Variants in RAB11FIP4 observed in about 807,000 individuals in gnomAD.
RAB11FIP4 encodes the protein RAB11 family interacting protein 4.
A neutral mutation model predicts 74.3 loss-of-function variants in RAB11FIP4; 23 were observed. That is an observed-to-expected ratio of 0.31 (90% confidence interval 0.22 to 0.44). RAB11FIP4 has a LOEUF of 0.44. Among genes scored for constraint, RAB11FIP4 ranks in the 20% least tolerant of loss-of-function variants. The pLI is 1.00. For missense variants in RAB11FIP4, 630 were observed against 863.9 expected (o/e 0.73, Z 3.39); for synonymous variants, 360 against 359.9 (o/e 1.00, Z 0.00).
intron 1 of RAB11FIP4, among the ~76,000 whole-genome samples, chr17:31,397,750 G>A (rs1414056721): frequency 6.6e-6 from 1 of 152,198 alleles, no homozygotes; most frequent in East Asian, 1.9e-4. Flanking sequence ...GCATTGAGGC[G>A]GGAGGACGAG....
chr17:31,437,407 T>G (rs562635191), intron 3 of RAB11FIP4, among the ~76,000 whole-genome samples: 3 of 151,802 alleles, frequency 2.0e-5, no homozygotes, highest in Admixed American at 1.3e-4. Context: ...CAGGTCCGAA[T>G]TTCTCAGGCC....
intron 3 of RAB11FIP4, among the ~76,000 whole-genome samples, chr17:31,488,910 G>A (rs777907626): frequency 6.6e-6 from 1 of 152,242 alleles, no homozygotes; most frequent in African/African-American, 2.4e-5. Flanking sequence ...TGGCGGCGCA[G>A]TCTCTGGAGA....
chr17:31,523,252 T>G (rs1597981412), intron 7 of RAB11FIP4: 1 of 521,312 alleles, frequency 1.9e-6, no homozygotes, highest in Non-Finnish European at 3.5e-6. Context: ...GTGAAGAGGG[T>G]TCTGAGGCCG....
At chr17:31,445,564 ATATATATATATATATTTTTT>A (rs2071450254) in intron 3 of RAB11FIP4, among the ~76,000 whole-genome samples, 163 of 13,116 alleles carry the variant, frequency 0.012, 6 homozygotes, top group African/African-American at 0.03. Context: ...ATATATATAT[ATATATATATATATATTTTTT>A]TTTTTTTTTT....
chr17:31,448,426 C>T (rs2071491812), intron 3 of RAB11FIP4: 1 of 63,980 alleles, frequency 1.6e-5, no homozygotes, highest in South Asian at 6.1e-4. Context: ...GAGACCGGGT[C>T]TAGCTATGTT....
rs2071611420 is a variant in RAB11FIP4 at position 31,459,256 on chromosome 17, A to G, written c.336+25134A>G. Among the ~76,000 whole-genome samples, 3 of 152,216 alleles carry G rather than the reference A, an allele frequency of 2.0e-5. No homozygotes were observed. The South Asian group carries it at 6.2e-4, about 32-fold the overall frequency. On this transcript the variant is annotated intron_variant, in intron 3 of 14. Transcript: ENST00000621161. The stretch of plus-strand genomic sequence containing the variant: ...CTCTCAGCTGTTCAGGGATCCTGGG[A>G]GTAGACTCCTTCCTCTGAGATGGAT...
Position 31,434,042 on chromosome 17 carries a change from G to A in RAB11FIP4, c.256G>A (p.Glu86Lys). The change falls in exon 3 of 15, where the codon GAG becomes AAG. Residue 86 changes from glutamate to lysine, a missense_variant. Physicochemically the swap from Glu to Lys is moderately conservative, Grantham distance 56 (BLOSUM62 1). Transcript: ENST00000621161. ...RGVFAMKGCE[E>K]LLKDVLSVES... ...TCTGCCTGTCTGCGCAGGGTGCGAG[G>A]AGCTGCTGAAGGATGTGCTGTCGGT... 6.3e-7 allele frequency: 1 copy of A among 1,583,618 alleles called. No homozygotes were observed. The highest frequency in any genetic ancestry group is 1.1e-5 in the South Asian group (1 of 87,148).
At chr17:31,446,675 C>G (rs987545495) in intron 3 of RAB11FIP4, among the ~76,000 whole-genome samples, 1 of 151,982 alleles carries the variant, frequency 6.6e-6, no homozygotes, top group African/African-American at 2.4e-5. Context: ...GGGGGATTAT[C>G]TGAGATAATG....
chr17:31,405,216 C>A (rs572987588), intron 1 of RAB11FIP4, among the ~76,000 whole-genome samples: 6 of 152,182 alleles, frequency 3.9e-5, no homozygotes, highest in African/African-American at 9.6e-5. Flanking sequence ...GGCTCCCAGG[C>A]GGTCTGGAGG....
chr17:31,496,865 T>A (rs1463304449), intron 3 of RAB11FIP4, among the ~76,000 whole-genome samples: 3 of 152,244 alleles, frequency 2.0e-5, no homozygotes, highest in Non-Finnish European at 1.5e-5. Context: ...GGATGTCGCA[T>A]CGCTGAGAGC....
Position 31,524,769 on chromosome 17 carries a change from A to G in RAB11FIP4, c.1134-321A>G, listed in dbSNP as rs907771651. 3.0e-5 allele frequency: 12 copies of G among 399,752 alleles called. No homozygotes were observed. The Admixed American group carries it at 3.3e-4, about 11-fold the overall frequency. 24.8% of individuals were successfully genotyped at this position (399,752 alleles called of 1,614,324 possible). A position where few individuals can be genotyped will look rare whatever the true frequency, so the allele number is the denominator to read the frequency against. ...TAATCAGAGGGGTGGCCGGGAAGGAACAGCACAAAAAGAAGAGGTGAGGCC... is the reference window on the plus strand; with the variant it reads ...TAATCAGAGGGGTGGCCGGGAAGGAGCAGCACAAAAAGAAGAGGTGAGGCC... On this transcript the variant is annotated intron_variant, in intron 9 of 14. Coordinates refer to ENST00000621161, the MANE Select transcript of RAB11FIP4 (RefSeq NM_032932.6).
chr17:31,462,783 C>T (rs1038272464), intron 3 of RAB11FIP4, among the ~76,000 whole-genome samples: 4 of 152,210 alleles, frequency 2.6e-5, no homozygotes, highest in African/African-American at 4.8e-5. Flanking sequence ...ATTATATGTG[C>T]GTGCCACCAC....
chr17:31,429,148 C>T (rs1301613084), intron 1 of RAB11FIP4, among the ~76,000 whole-genome samples: 1 of 152,066 alleles, frequency 6.6e-6, no homozygotes, highest in African/African-American at 2.4e-5. Flanking sequence ...CTACTATGTA[C>T]CAGTCACGGT....
At chr17:31,475,834 T>C (rs2071786528) in intron 3 of RAB11FIP4, among the ~76,000 whole-genome samples, 1 of 146,434 alleles carries the variant, frequency 6.8e-6, no homozygotes, top group Non-Finnish European at 1.5e-5. Context: ...CTATTTGAAA[T>C]GGCCCCCAAA....
intron 3 of RAB11FIP4, among the ~76,000 whole-genome samples, chr17:31,507,139 C>T (rs1479234601): frequency 3.9e-5 from 6 of 152,086 alleles, no homozygotes; most frequent in Admixed American, 1.3e-4. Context: ...ATTAGCCAGG[C>T]GTGGTGGCAT....
chr17:31,471,884 C>G (rs1324039501), intron 3 of RAB11FIP4, among the ~76,000 whole-genome samples: 1 of 151,948 alleles, frequency 6.6e-6, no homozygotes, highest in Admixed American at 6.6e-5. Context: ...GTCACGGGGC[C>G]GGGCGCAGTG....
intron 3 of RAB11FIP4, among the ~76,000 whole-genome samples, chr17:31,511,720 T>C (rs1275521711): frequency 2.6e-5 from 4 of 152,220 alleles, no homozygotes; most frequent in African/African-American, 9.6e-5. Flanking sequence ...GACCAGATGC[T>C]GCATCCGCTC....
chr17:31,458,684 C>T (rs901918770), intron 3 of RAB11FIP4, among the ~76,000 whole-genome samples: 1 of 152,202 alleles, frequency 6.6e-6, no homozygotes, highest in Non-Finnish European at 1.5e-5. Flanking sequence ...CTGGGCCTCC[C>T]AGCACAGAGG....
Position 31,431,815 on chromosome 17 carries a change from G to A in RAB11FIP4, c.162G>A (p.Val54=). ...CTGTCCCTGCTTCATTCCCACAGGT[G>A]GAAAAACTTGTGAAATATTTGGATC... The part of the protein sequence containing the change: ...LGLRFGQGEE[V]EKLVKYLDPN... The change falls in exon 2 of 15, where the codon GTG becomes GTA. Residue 54 remains valine, a splice_region_variant and synonymous_variant. Transcript: ENST00000621161. 2.5e-6 allele frequency: 4 copies of A among 1,612,154 alleles called. No homozygotes were observed. Among genetic ancestry groups the A allele is most frequent in the Non-Finnish European group, 3.4e-6 (4 of 1,178,486 alleles).
Sources: gnomAD v4.1 joint callset for allele counts (sites outside exome capture counted in the v4.1 genomes callset) on GRCh38, gnomAD v4.1.1 for gene constraint, MANE v1.5 for transcripts, NCBI Gene and HGNC (gene_info 2026-07-23, HGNC 2026-07-21) for gene names.